IQCK: variants seen among roughly 807,000 people sequenced by gnomAD.
The protein encoded by IQCK is IQ domain-containing protein K.
Under a neutral mutation model 28.1 loss-of-function variants are expected in IQCK, and 29 were observed. That is an observed-to-expected ratio of 1.03 (90% CI 0.77 to 1.41). The LOEUF (loss-of-function observed/expected upper bound fraction) is 1.41, where lower values mean the gene tolerates loss of function less well. IQCK is among the 40% of genes most tolerant of loss of function. IQCK has a pLI of 0.00. For missense variants in IQCK, 359 were observed against 314.7 expected, an observed-to-expected ratio of 1.14 and a Z score of -1.07; for synonymous variants, 113 against 115.1, an observed-to-expected ratio of 0.98 and a Z score of 0.12.
At chr16:19,725,237 GC>G (rs1254560822) in intron 1 of IQCK, among the ~76,000 whole-genome samples, 3 of 151,618 alleles carry the variant, frequency 2.0e-5, no homozygotes, top group Admixed American at 2.0e-4. Context: ...ACAGGCTGTC[GC>G]CCAGGCTGAA....
chr16:19,740,120 AT>A (rs986629051), intron 4 of IQCK, among the ~76,000 whole-genome samples: 6 of 152,106 alleles, frequency 3.9e-5, no homozygotes, highest in Admixed American at 1.3e-4. Context: ...AGAGATACTG[AT>A]TTTTTTTCAT....
intron 9 of IQCK, among the ~76,000 whole-genome samples, chr16:19,852,724 G>T (rs1244326094): frequency 6.7e-6 from 1 of 148,746 alleles, no homozygotes; most frequent in Non-Finnish European, 1.5e-5. Context: ...CTGGGTTCAC[G>T]CCATTCTCCT....
At position 19,718,495 on chromosome 16, in the gene IQCK, A is replaced by G. The variant is rs1442790686; in HGVS notation, c.181+8A>G. 3 of 1,591,274 alleles carry G rather than the reference A, an allele frequency of 1.9e-6. No individual in the cohort carries two copies. The South Asian group carries it at 3.4e-5, about 18-fold the overall frequency. On this transcript the variant is annotated splice_region_variant and intron_variant, in intron 1 of 7. Coordinates refer to ENST00000564186, the Ensembl canonical transcript of IQCK. Reference sequence around the variant, plus strand: ...GGGAGCAGATCTGCAAGGGTAGGAAACCTGGGCTGGCCGAGAGGGGCGGGA... The same window carrying G: ...GGGAGCAGATCTGCAAGGGTAGGAAGCCTGGGCTGGCCGAGAGGGGCGGGA...
chr16:19,740,005 C>T (rs896211125), intron 4 of IQCK, among the ~76,000 whole-genome samples: 1 of 152,202 alleles, frequency 6.6e-6, no homozygotes, highest in Non-Finnish European at 1.5e-5. Context: ...ACCTAGTAAG[C>T]AACAGACAGC....
At chr16:19,823,446 A>G (rs1390689750) in intron 7 of IQCK, among the ~76,000 whole-genome samples, 3 of 152,062 alleles carry the variant, frequency 2.0e-5, no homozygotes, top group African/African-American at 4.8e-5. Flanking sequence ...GTTCCTGACT[A>G]TCAGACCGGC....
intron 9 of IQCK, among the ~76,000 whole-genome samples, chr16:19,835,541 C>A (rs1414313384): frequency 6.6e-6 from 1 of 151,492 alleles, no homozygotes; most frequent in Non-Finnish European, 1.5e-5. Context: ...ATTGTTGTAA[C>A]TATATTCTAG....
downstream of IQCK, among the ~76,000 whole-genome samples, chr16:19,829,074 C>A (rs2056194882): frequency 1.3e-5 from 2 of 148,154 alleles, no homozygotes; most frequent in Non-Finnish European, 3.0e-5. Flanking sequence ...TTGGTAGTTA[C>A]CTTTGAGAAT....
intron 6 of IQCK, 158 bp downstream of exon 6, chr16:19,764,270 T>C: frequency 3.2e-6 from 2 of 616,008 alleles, no homozygotes; most frequent in Non-Finnish European, 5.7e-6. Context: ...TAGCCTAGGC[T>C]AACCTTATCC....
intron 6 of IQCK, among the ~76,000 whole-genome samples, chr16:19,775,478 A>G (rs1267759737): frequency 6.6e-6 from 1 of 152,172 alleles, no homozygotes; most frequent in African/African-American, 2.4e-5. Context: ...TATTCTGGGC[A>G]CTTTATAAAT....
chr16:19,755,680 C>T (rs1433953655), intron 4 of IQCK, among the ~76,000 whole-genome samples: 1 of 152,222 alleles, frequency 6.6e-6, no homozygotes, highest in Non-Finnish European at 1.5e-5. Context: ...TCCAGGTCTT[C>T]CTGAGACCTG....
At chr16:19,854,388 A>G (rs1009644019) in intron 9 of IQCK, among the ~76,000 whole-genome samples, 1 of 150,946 alleles carries the variant, frequency 6.6e-6, no homozygotes, top group Non-Finnish European at 1.5e-5. Context: ...CCTATTGCAA[A>G]TGTCCCCAAC....
intron 7 of IQCK, among the ~76,000 whole-genome samples, chr16:19,803,691 T>C (rs1237172234): frequency 1.3e-5 from 2 of 152,152 alleles, no homozygotes; most frequent in African/African-American, 4.8e-5. Context: ...CTTAGTTTGC[T>C]GTACAGGCTG....
chr16:19,816,254 C>G (rs1379048534), intron 7 of IQCK, among the ~76,000 whole-genome samples: 2 of 152,174 alleles, frequency 1.3e-5, no homozygotes, highest in African/African-American at 4.8e-5. Flanking sequence ...TCTCCCTCCT[C>G]TTCTCTGCCT....
intron 7 of IQCK, among the ~76,000 whole-genome samples, chr16:19,790,916 G>T (rs983667116): frequency 1.8e-5 from 1 of 55,304 alleles, no homozygotes; most frequent in Admixed American, 1.9e-4. Context: ...TTATAATGTA[G>T]GTTTTCAGTA....
In IQCK at chr16:19,825,922, G is replaced by A. The variant is rs1392125948; in HGVS notation, c.691-1104G>A. 6.6e-6 allele frequency among the ~76,000 whole-genome samples: 1 copy of A among 152,224 alleles called. No individual in the cohort carries two copies. The highest frequency in any genetic ancestry group is 1.5e-5 in the Non-Finnish European group (1 of 68,040). On this transcript the variant is annotated intron_variant, in intron 7 of 7. Coordinates refer to ENST00000564186, the Ensembl canonical transcript of IQCK. The surrounding 1 kb of genome is among the most constrained non-coding windows in gnomAD (Gnocchi z 4.2). Reference sequence around the variant, plus strand: ...TAGTAGCCACCAGCTACATGTGTCTGTTGAGCACTTGAAATGAAGTATGTT... The same window carrying A: ...TAGTAGCCACCAGCTACATGTGTCTATTGAGCACTTGAAATGAAGTATGTT...
intron 7 of IQCK, among the ~76,000 whole-genome samples, chr16:19,804,054 G>A (rs1020445166): frequency 3.3e-5 from 5 of 152,152 alleles, no homozygotes; most frequent in Admixed American, 1.3e-4. Context: ...TATTTGAAAA[G>A]TACTGGAGGT....
chr16:19,857,745 TAAA>T (rs397937342), exon 10 of IQCK: 2,389 of 98,560 alleles, frequency 0.024, 72 homozygotes, highest in African/African-American at 0.083. Context: ...GCATCTGGGC[TAAA>T]AAAAAAAAAA....
chr16:19,837,952 A>G (rs546272282), intron 9 of IQCK, among the ~76,000 whole-genome samples: 1 of 152,266 alleles, frequency 6.6e-6, no homozygotes, highest in Non-Finnish European at 1.5e-5. Context: ...AATTCAGGGG[A>G]TCTGAGTTCC....
At chr16:19,810,982 G>C (rs558487645) in intron 7 of IQCK, among the ~76,000 whole-genome samples, 5 of 152,082 alleles carry the variant, frequency 3.3e-5, no homozygotes, top group Non-Finnish European at 7.4e-5. Context: ...AAGAGATCAA[G>C]GCATTGAAGG....
Sources: allele counts gnomAD v4.1 joint callset (sites outside exome capture counted in the v4.1 genomes callset), GRCh38; gene constraint gnomAD v4.1.1; non-coding constraint Gnocchi (gnomAD v3.1); transcripts MANE v1.5; gene names NCBI Gene and HGNC (gene_info 2026-07-23, HGNC 2026-07-21).